AGMO: variants seen among roughly 807,000 people sequenced by gnomAD.
AGMO encodes the protein glyceryl-ether monooxygenase.
Under a neutral mutation model 60.2 loss-of-function variants are expected in AGMO, and 75 were observed. The ratio of observed to expected loss-of-function variants is 1.25; its 90% CI spans 1.03 to 1.51. The LOEUF is 1.51. Ranked by LOEUF, AGMO falls within the 40% of genes most tolerant of loss-of-function variation. The pLI, the probability that AGMO is intolerant of heterozygous loss-of-function variation, is 0.00. For missense variants in AGMO, 763 were observed against 525.5 expected (o/e 1.45, Z -4.42); for synonymous variants, 261 against 177.1 (o/e 1.47, Z -3.76).
chr7:15,353,609 G>A (rs1024933519), intron 12 of AGMO, among the ~76,000 whole-genome samples: 3 of 152,166 alleles, frequency 2.0e-5, no homozygotes, highest in African/African-American at 4.8e-5. Context: ...TTTTTTGGAC[G>A]TGAAATTTTT....
chr7:15,444,691 G>C (rs2128503350), intron 3 of AGMO, among the ~76,000 whole-genome samples: 1 of 152,178 alleles, frequency 6.6e-6, no homozygotes, highest in Non-Finnish European at 1.5e-5. Context: ...ATCAACTCTT[G>C]TTTTTCTCAA....
rs202062899 is a variant in AGMO at position 15,386,596 on chromosome 7, G to T, written c.957+810C>A. Among the ~76,000 whole-genome samples, 8 of 152,094 alleles carry T rather than the reference G, an allele frequency of 5.3e-5. 1 individual carries two copies. The East Asian group carries it at 1.5e-3, about 29-fold the overall frequency. On this transcript the variant is annotated intron_variant, in intron 9 of 12. Coordinates refer to ENST00000342526, the MANE Select transcript of AGMO (RefSeq NM_001004320.2). ...GGCGTTGGTAACTGAATGAGAAAAT[G>T]TCATTATTTAGATCAGGATTTTTTC...
chr7:15,463,314 G>A (rs146607402), intron 3 of AGMO, among the ~76,000 whole-genome samples: 52 of 152,212 alleles, frequency 3.4e-4, no homozygotes, highest in African/African-American at 1.3e-3. Context: ...ACAGAATTTT[G>A]TTTACTTGAT....
At chr7:15,511,092 T>C (rs11769498) in intron 3 of AGMO, among the ~76,000 whole-genome samples, 16,355 of 151,978 alleles carry the variant, frequency 0.11, 1,141 homozygotes, top group Non-Finnish European at 0.16. Flanking sequence ...AAAAGTAAGA[T>C]CGTGTTCACC....
At chr7:15,136,457 C>T in the AGMO span, among the ~76,000 whole-genome samples, 3 of 152,104 alleles carry the variant, frequency 2.0e-5, no homozygotes, top group East Asian at 5.8e-4. Context: ...GCAGTTGAGT[C>T]ATCATTGCTT....
chr7:15,455,081 T>TCACACACACACA (rs34074240), intron 3 of AGMO, among the ~76,000 whole-genome samples: 1 of 146,114 alleles, frequency 6.8e-6, no homozygotes, highest in Non-Finnish European at 1.5e-5. Flanking sequence ...TCTCTCTTTC[T>TCACACACACACA]CACACACACA....
At chr7:15,410,394 CA>C (rs1216757058) in intron 5 of AGMO, among the ~76,000 whole-genome samples, 1 of 151,522 alleles carries the variant, frequency 6.6e-6, no homozygotes, top group Middle Eastern at 3.5e-3. Context: ...AAATAAATAA[CA>C]AAAAAACCCT....
intron 3 of AGMO, among the ~76,000 whole-genome samples, chr7:15,443,082 T>C (rs1044373626): frequency 1.3e-5 from 2 of 152,194 alleles, no homozygotes; most frequent in African/African-American, 4.8e-5. Flanking sequence ...TTCCACTCAA[T>C]AAAACCTTGC....
chr7:15,509,628 T>C (rs907260065), intron 3 of AGMO, among the ~76,000 whole-genome samples: 1 of 151,960 alleles, frequency 6.6e-6, no homozygotes, highest in Non-Finnish European at 1.5e-5. Context: ...ATCAACAAAA[T>C]GAAAAGGCAT....
At chr7:15,139,309 T>C in the AGMO span, among the ~76,000 whole-genome samples, 3 of 152,218 alleles carry the variant, frequency 2.0e-5, no homozygotes, top group Non-Finnish European at 4.4e-5. Flanking sequence ...TCACTGCTTA[T>C]ATAGTATTCT....
At chr7:15,429,932 C>T (rs1291587380) in intron 4 of AGMO, among the ~76,000 whole-genome samples, 2 of 151,886 alleles carry the variant, frequency 1.3e-5, no homozygotes, top group Non-Finnish European at 2.9e-5. Flanking sequence ...AAGTGAAAAA[C>T]AATATGGAGG....
At chr7:15,430,357 T>C (rs1033327501) in intron 4 of AGMO, among the ~76,000 whole-genome samples, 4 of 151,768 alleles carry the variant, frequency 2.6e-5, no homozygotes, top group Non-Finnish European at 4.4e-5. Context: ...GTATCATGTA[T>C]TTTCATAACC....
intron 12 of AGMO, among the ~76,000 whole-genome samples, chr7:15,320,728 T>C (rs993379181): frequency 6.6e-6 from 1 of 152,158 alleles, no homozygotes; most frequent in African/African-American, 2.4e-5. Flanking sequence ...CATAATGTTA[T>C]ATATGCCTTA....
intron 2 of AGMO, among the ~76,000 whole-genome samples, chr7:15,548,406 T>A (rs1312186144): frequency 1.3e-5 from 2 of 151,460 alleles, no homozygotes; most frequent in African/African-American, 4.9e-5. Context: ...GCAAAGAAGT[T>A]GAAAACTTTG....
chr7:15,231,781 T>C (rs1032572664), intron 12 of AGMO, among the ~76,000 whole-genome samples: 9 of 152,200 alleles, frequency 5.9e-5, no homozygotes, highest in Non-Finnish European at 1.3e-4. Context: ...TCAACACCTA[T>C]TTCTTCCCTT....
chr7:15,276,522 T>C (rs567548757), intron 12 of AGMO, among the ~76,000 whole-genome samples: 1 of 152,150 alleles, frequency 6.6e-6, no homozygotes, highest in East Asian at 1.9e-4. Context: ...TTGATGATAT[T>C]TGTCTTATAT....
intron 12 of AGMO, among the ~76,000 whole-genome samples, chr7:15,230,338 G>T (rs999348574): frequency 6.6e-6 from 1 of 151,724 alleles, no homozygotes; most frequent in Non-Finnish European, 1.5e-5. Flanking sequence ...CAAAATTTAA[G>T]GTAAAAAAAA....
At chr7:15,511,927 G>C (rs1783684437) in intron 3 of AGMO, among the ~76,000 whole-genome samples, 1 of 151,178 alleles carries the variant, frequency 6.6e-6, no homozygotes, top group Non-Finnish European at 1.5e-5. Context: ...AAGGAAACCA[G>C]CCCACCAGAC....
intron 12 of AGMO, among the ~76,000 whole-genome samples, chr7:15,271,944 T>C (rs1392949259): frequency 6.6e-6 from 1 of 152,166 alleles, no homozygotes; most frequent in Admixed American, 6.6e-5. Flanking sequence ...TTGTTTCTAA[T>C]TGAGTTTATG....
Sources: allele counts gnomAD v4.1 joint callset (sites outside exome capture counted in the v4.1 genomes callset), GRCh38; gene constraint gnomAD v4.1.1; transcripts MANE v1.5; gene names NCBI Gene and HGNC (gene_info 2026-07-23, HGNC 2026-07-21).